TNFAIP8: variants seen among roughly 807,000 people sequenced by gnomAD.
TNFAIP8 encodes TNF alpha induced protein 8, also known as tumor necrosis factor alpha-induced protein 8.
In TNFAIP8, 7 loss-of-function variants were observed where a neutral mutation model predicts 13.3. That is an observed-to-expected ratio of 0.52 (90% confidence interval 0.30 to 0.99). The LOEUF is 0.99. TNFAIP8 is among the 50% of genes least tolerant of loss of function. The pLI is 0.07. For missense variants in TNFAIP8, 258 were observed against 236.9 expected (o/e 1.09, Z -0.58); for synonymous variants, 94 against 87.6 (o/e 1.07, Z -0.41).
chr5:119,339,065 C>G (rs2112723584), intron 1 of TNFAIP8, among the ~76,000 whole-genome samples: 1 of 151,668 alleles, frequency 6.6e-6, no homozygotes, highest in Admixed American at 6.6e-5. Flanking sequence ...AAAAAAAAGG[C>G]CCCATTTTCT....
intron 1 of TNFAIP8, among the ~76,000 whole-genome samples, chr5:119,323,094 C>T (rs550949737): frequency 6.6e-6 from 1 of 152,180 alleles, no homozygotes; most frequent in African/African-American, 2.4e-5. Context: ...CTGCCTGTCA[C>T]TGTGCACTGC....
intron 1 of TNFAIP8, among the ~76,000 whole-genome samples, chr5:119,271,008 G>GC (rs1193627335): frequency 6.6e-6 from 1 of 152,252 alleles, no homozygotes; most frequent in African/African-American, 2.4e-5. Flanking sequence ...CATGTTTGTT[G>GC]TCTCTTAATT....
intron 1 of TNFAIP8, among the ~76,000 whole-genome samples, chr5:119,390,239 T>C (rs1752842563): frequency 6.6e-6 from 1 of 152,200 alleles, no homozygotes; most frequent in South Asian, 2.1e-4. Context: ...TTATATGTAA[T>C]ATATTACTGA....
chr5:119,278,076 A>G (rs1334299045), intron 1 of TNFAIP8, among the ~76,000 whole-genome samples: 2 of 152,162 alleles, frequency 1.3e-5, no homozygotes, highest in Non-Finnish European at 2.9e-5. Context: ...AGATCATAAC[A>G]ATCGGGATGT....
rs1368840457 is a variant in TNFAIP8, at chr5:119,286,858, C to A, written c.1+17951C>A. Among the ~76,000 whole-genome samples, 3 of 152,298 alleles carry A rather than the reference C, an allele frequency of 2.0e-5. No homozygotes were observed. In the East Asian group the frequency reaches 5.8e-4, roughly 29 times the overall value. On this transcript the variant is annotated intron_variant, in intron 1 of 1. Transcript: ENST00000274456. Reference sequence around the variant, plus strand: ...AAGTTGTCAGGATTAAATAGAACAACAAATGCACAGAGCCCAGAGGACAAT... The same window carrying A: ...AAGTTGTCAGGATTAAATAGAACAAAAAATGCACAGAGCCCAGAGGACAAT...
chr5:119,315,932 G>A (rs564013753), intron 1 of TNFAIP8, among the ~76,000 whole-genome samples: 3 of 152,270 alleles, frequency 2.0e-5, no homozygotes, highest in Admixed American at 6.5e-5. Flanking sequence ...CCATTAAAGA[G>A]ATGGCAGCTC....
chr5:119,389,747 A>G (rs752765608), intron 1 of TNFAIP8, among the ~76,000 whole-genome samples: 7 of 152,200 alleles, frequency 4.6e-5, no homozygotes, highest in African/African-American at 9.7e-5. Flanking sequence ...ATTTAAAAAG[A>G]CGACTTCACT....
At chr5:119,369,049 TCTTTTC>T (rs1328034147) in intron 1 of TNFAIP8, among the ~76,000 whole-genome samples, 6 of 145,142 alleles carry the variant, frequency 4.1e-5, no homozygotes, top group African/African-American at 1.7e-4. Flanking sequence ...TCTTTTCTTT[TCTTTTC>T]TTTTTTTTTT....
At chr5:119,286,952 T>C (rs1219434146) in intron 1 of TNFAIP8, among the ~76,000 whole-genome samples, 2 of 152,194 alleles carry the variant, frequency 1.3e-5, no homozygotes, top group African/African-American at 4.8e-5. Flanking sequence ...CTCCTCTGAG[T>C]GTCTCCTTTG....
intron 1 of TNFAIP8, among the ~76,000 whole-genome samples, chr5:119,329,130 G>A (rs553305873): frequency 2.0e-5 from 3 of 152,220 alleles, no homozygotes; most frequent in South Asian, 2.1e-4. Context: ...GATTCTGGGC[G>A]TGCCTTTCAG....
intron 1 of TNFAIP8, chr5:119,333,683 A>G: frequency 7.2e-7 from 1 of 1,391,354 alleles, no homozygotes; most frequent in Non-Finnish European, 9.8e-7. Context: ...CTTTGTTGAA[A>G]TCTGGTAAAA....
chr5:119,372,885 T>C (rs1424997382), intron 1 of TNFAIP8, among the ~76,000 whole-genome samples: 1 of 152,116 alleles, frequency 6.6e-6, no homozygotes, highest in Non-Finnish European at 1.5e-5. Flanking sequence ...CGCTTGAACC[T>C]GGGAGGCAGA....
At chr5:119,327,524 T>A (rs771194281) in intron 1 of TNFAIP8, among the ~76,000 whole-genome samples, 2 of 152,214 alleles carry the variant, frequency 1.3e-5, no homozygotes, top group Non-Finnish European at 2.9e-5. Context: ...AGTGGCGCGA[T>A]CTCTGCTCAC....
chr5:119,340,617 T>A (rs1750703538), intron 1 of TNFAIP8, among the ~76,000 whole-genome samples: 1 of 152,204 alleles, frequency 6.6e-6, no homozygotes, highest in African/African-American at 2.4e-5. Flanking sequence ...GCATTAGCTT[T>A]CCGATTCTTG....
intron 1 of TNFAIP8, among the ~76,000 whole-genome samples, chr5:119,271,536 T>C (rs573002984): frequency 3.0e-4 from 45 of 152,190 alleles, no homozygotes; most frequent in African/African-American, 1.0e-3. Flanking sequence ...GGGCTGAAAA[T>C]GGGATAACCT....
chr5:119,279,962 C>T (rs1748577509), intron 1 of TNFAIP8, among the ~76,000 whole-genome samples: 1 of 152,182 alleles, frequency 6.6e-6, no homozygotes, highest in Non-Finnish European at 1.5e-5. Context: ...CACTTTTCCA[C>T]CTAGCACTGA....
At chr5:119,368,369 G>C (rs1294124175) in intron 1 of TNFAIP8, among the ~76,000 whole-genome samples, 1 of 135,354 alleles carries the variant, frequency 7.4e-6, no homozygotes, top group African/African-American at 3.6e-5. Context: ...TTTCCCTCCT[G>C]TCTGTTAAAA....
At position 119,393,005 on chromosome 5, in the gene TNFAIP8, A is replaced by G; in HGVS notation, c.221A>G (p.Asn74Ser). 1 of 1,613,174 alleles carries G rather than the reference A, an allele frequency of 6.2e-7. No individual in the cohort carries two copies. Among genetic ancestry groups the G allele is most frequent in the Non-Finnish European group, 8.5e-7 (1 of 1,179,548 alleles). The change falls in exon 2 of 2, where the codon AAC (asparagine) becomes AGC (serine). Residue 74 changes from asparagine to serine, a missense_variant. Transcript: ENST00000504771. ...NKKEAEKIIKNLIKTVIKLAI... is the reference protein window; with the variant it reads ...NKKEAEKIIKSLIKTVIKLAI... ...AAGGAGGCAGAGAAGATCATCAAGA[A>G]CCTCATCAAGACAGTCATCAAGCTG... is the stretch of plus-strand genomic sequence containing the variant.
At chr5:119,324,274 CAAAAAAAAAAAAAAAAAAAAAAAAA>C (rs56104829) in intron 1 of TNFAIP8, among the ~76,000 whole-genome samples, 1 of 77,678 alleles carries the variant, frequency 1.3e-5, no homozygotes, top group African/African-American at 4.8e-5. Context: ...GACGCCATCT[CAAAAAAAAAAAAAAAAAAAAAAAAA>C]AAAAAAAAAA....
Sources: allele counts gnomAD v4.1 joint callset (sites outside exome capture counted in the v4.1 genomes callset), GRCh38; gene constraint gnomAD v4.1.1; transcripts MANE v1.5; gene names NCBI Gene and HGNC (gene_info 2026-07-23, HGNC 2026-07-21).